Variants in SAR1B observed in about 807,000 individuals in gnomAD.
SAR1B encodes secretion associated Ras related GTPase 1B.
SAR1B carries 23 observed loss-of-function variants against 26.8 expected under a neutral mutation model. The observed-to-expected ratio is 0.86, with a 90% confidence interval of 0.62 to 1.22. The LOEUF (loss-of-function observed/expected upper bound fraction) is 1.22. Ranked by LOEUF, SAR1B falls within the 50% of genes most tolerant of loss-of-function variation. The probability of loss-of-function intolerance (pLI) is 0.00; values close to 1 mark genes in which losing one functional copy is unlikely to be tolerated. For missense variants in SAR1B, 196 were observed against 232.8 expected (o/e 0.84, Z 1.03); for synonymous variants, 65 against 80.8 (o/e 0.80, Z 1.05).
intron 5 of SAR1B, 136 bp from the exon 6 acceptor site, chr5:134,608,639 C>T (rs1051309277): frequency 3.0e-6 from 3 of 986,298 alleles, no homozygotes; most frequent in Admixed American, 4.3e-5. Flanking sequence ...AAACTTTCCC[C>T]ACATTTTAAA....
At chr5:134,609,242 C>G in intron 5 of SAR1B, 1 of 415,254 alleles carries the variant, frequency 2.4e-6, no homozygotes, top group Admixed American at 3.2e-5. Flanking sequence ...GATATAGCAT[C>G]TTAGCATGAC....
At chr5:134,618,805 C>T (rs1410981579) in intron 3 of SAR1B, among the ~76,000 whole-genome samples, 1 of 151,930 alleles carries the variant, frequency 6.6e-6, no homozygotes, top group African/African-American at 2.4e-5. Flanking sequence ...CGAGACCAGC[C>T]TGGCCAACAT....
intron 4 of SAR1B, among the ~76,000 whole-genome samples, chr5:134,611,041 C>G (rs1458590614): frequency 6.6e-6 from 1 of 152,050 alleles, no homozygotes; most frequent in Non-Finnish European, 1.5e-5. Context: ...TTGTTAAATT[C>G]TGTGTAGAGA....
In SAR1B at chr5:134,623,979, C is replaced by G. The variant is rs767171512; in HGVS notation, c.41G>C (p.Ser14Thr). The change falls in exon 2 of 7, where the codon AGT becomes ACT. Residue 14 changes from serine (S) to threonine (T), a missense_variant. Coordinates refer to ENST00000402673, the MANE Select transcript of SAR1B (RefSeq NM_016103.4). ...IFDWIYSGFS[S>T]VLQFLGLYKK... ...AACATTACCTAAAAACTGTAGCACA[C>G]TGCTGAAACCACTGTAAATCCAATC... The G allele has an allele frequency of 3.1e-6, 5 of 1,610,596 alleles. No individual in the cohort carries two copies. The highest frequency in any genetic ancestry group is 4.2e-6 in the Non-Finnish European group (5 of 1,176,892).
intron 3 of SAR1B, among the ~76,000 whole-genome samples, chr5:134,616,584 A>G (rs910068319): frequency 1.3e-5 from 2 of 152,202 alleles, no homozygotes; most frequent in South Asian, 2.1e-4. Flanking sequence ...ATAATCCCCA[A>G]TATACTTTCT....
Position 134,624,020 on chromosome 5 carries a change from A to G in SAR1B, c.-1T>C. 1 of 1,605,908 alleles carries G rather than the reference A, an allele frequency of 6.2e-7. No individual in the cohort carries two copies. The highest frequency in any genetic ancestry group is 8.5e-7 in the Non-Finnish European group (1 of 1,172,504). On this transcript the variant is annotated 5_prime_UTR_variant, in exon 2 of 7. Transcript: ENST00000402673. ...AAATCCAATCAAATATGAAGGACAT[A>G]TCCAAATCTGATAGGGTCTGAAAAA...
rs1024593120 is a variant in SAR1B at position 134,608,519 on chromosome 5, C to T, written c.349-16G>A. ...TCATTAGTGACTGAAAAAAACAAAA[C>T]AATACAAAACAAGAGTTGATATGAA... On this transcript the variant is annotated splice_polypyrimidine_tract_variant and intron_variant, in intron 5 of 6. Coordinates refer to ENST00000402673, the MANE Select transcript of SAR1B (RefSeq NM_016103.4). 1.2e-6 allele frequency: 2 copies of T among 1,606,984 alleles called. No individual in the cohort carries two copies. Among genetic ancestry groups the T allele is most frequent in the African/African-American group, 2.7e-5 (2 of 74,902 alleles).
chr5:134,612,753 G>A lies in SAR1B; in HGVS notation c.182C>T (p.Ser61Phe). 6.4e-7 allele frequency: 1 copy of A among 1,572,614 alleles called. No homozygotes were observed. Among genetic ancestry groups the A allele is most frequent in the Non-Finnish European group, 8.6e-7 (1 of 1,157,444 alleles). Residue 61 changes from serine (S) to phenylalanine (F), a missense_variant, in exon 4 of 7, where the codon TCC (serine) becomes TTC (phenylalanine). Transcript: ENST00000402673. ...CATGCCAGCAATGGTCAGTTCTTCGGAAGCTAAATAAGATTTTAAAATATT... is the reference window on the plus strand; with the variant it reads ...CATGCCAGCAATGGTCAGTTCTTCGAAAGCTAAATAAGATTTTAAAATATT... ...GQHVPTLHPT[S>F]EELTIAGMTF...
intron 1 of SAR1B, among the ~76,000 whole-genome samples, chr5:134,630,521 G>A (rs1021047129): frequency 3.4e-5 from 5 of 148,510 alleles, no homozygotes; most frequent in African/African-American, 5.0e-5. Flanking sequence ...AGTGGCTCAC[G>A]CCTGTAATCC....
intron 1 of SAR1B, among the ~76,000 whole-genome samples, chr5:134,629,897 A>AG (rs1396428569): frequency 2.0e-5 from 3 of 150,230 alleles, no homozygotes; most frequent in African/African-American, 7.3e-5. Context: ...AAAAAAAAAA[A>AG]AAGAAAAAAA....
chr5:134,612,120 TTTTTGTTTTG>T lies in SAR1B; in HGVS notation c.244+561_244+570del, dbSNP rs529577679. 2.0e-4 allele frequency among the ~76,000 whole-genome samples: 30 copies of T among 152,286 alleles called. 1 individual carries two copies. In the South Asian group the frequency reaches 5.0e-3, roughly 25 times the overall value. ...AGTAATGAGTTAGCCACTGAAGGTT[TTTTTGTTTTG>T]TTTTGTTTTGTTTTTGTTTTACAGA... On this transcript the variant is annotated intron_variant, in intron 4 of 6. Coordinates refer to ENST00000402673, the MANE Select transcript of SAR1B (RefSeq NM_016103.4).
intron 3 of SAR1B, among the ~76,000 whole-genome samples, chr5:134,619,590 C>T (rs1205887079): frequency 6.6e-6 from 1 of 151,912 alleles, no homozygotes; most frequent in Non-Finnish European, 1.5e-5. Flanking sequence ...TCTTAAACTC[C>T]TGGGCTCAAG....
At chr5:134,615,214 G>T (rs1456634531) in intron 3 of SAR1B, among the ~76,000 whole-genome samples, 1 of 151,888 alleles carries the variant, frequency 6.6e-6, no homozygotes, top group Non-Finnish European at 1.5e-5. Flanking sequence ...TGGGTGCAGC[G>T]GCAGGTGCCT....
intron 3 of SAR1B, among the ~76,000 whole-genome samples, chr5:134,620,333 T>C (rs1182266450): frequency 2.6e-5 from 4 of 151,274 alleles, no homozygotes; most frequent in Non-Finnish European, 5.9e-5. Flanking sequence ...AAAGAAAAAA[T>C]TCAGGTTATG....
chr5:134,630,889 C>CTTTTTTTTTTTTTTTTTTTTTTTTTTT lies in SAR1B; in HGVS notation c.-19+1812_-19+1838dup, dbSNP rs781218368. Reference sequence around the variant, plus strand: ...TTTCCTTTTCTATTTCTTTTTTTTTCTTTTTTTTTTTTTTTTTTTTTTTTT... The same window carrying CTTTTTTTTTTTTTTTTTTTTTTTTTTT: ...TTTCCTTTTCTATTTCTTTTTTTTTCTTTTTTTTTTTTTTTTTTTTTTTTTTTTTTTTTTTTTTTTTTTTTTTTTTTT... On this transcript the variant is annotated intron_variant, in intron 1 of 6. Transcript: ENST00000402673. Among the ~76,000 whole-genome samples, 76 of 69,146 alleles carry CTTTTTTTTTTTTTTTTTTTTTTTTTTT rather than the reference C, an allele frequency of 1.1e-3. 2 individuals are homozygous for CTTTTTTTTTTTTTTTTTTTTTTTTTTT. The highest frequency in any genetic ancestry group is 1.5e-3 in the Non-Finnish European group (52 of 35,238). The allele number at this position is 69,146 out of a possible 152,430, so 45.4% of individuals were successfully genotyped here.
At chr5:134,620,781 G>C (rs948327540) in intron 3 of SAR1B, 152 bp downstream of exon 3, 1 of 863,166 alleles carries the variant, frequency 1.2e-6, no homozygotes. Context: ...TTAAGCCCAG[G>C]AGACAGAGGT....
intron 2 of SAR1B, among the ~76,000 whole-genome samples, chr5:134,622,241 G>T (rs1765421729): frequency 1.3e-5 from 2 of 151,868 alleles, no homozygotes. Context: ...TAGTTTTGGG[G>T]GCAGAACTAT....
At position 134,605,825 on chromosome 5, in the gene SAR1B, A is replaced by G. The variant is rs1328340911; in HGVS notation, c.*1125T>C. 2 of 152,246 alleles carry G rather than the reference A, an allele frequency of 1.3e-5. No individual in the cohort carries two copies. Among genetic ancestry groups the G allele is most frequent in the Admixed American group, 6.5e-5 (1 of 15,278 alleles). The allele number at this position is 152,246 out of a possible 1,614,324, so 9.4% of individuals were successfully genotyped here. A position where few individuals can be genotyped will look rare whatever the true frequency, so the allele number is the denominator to read the frequency against. ...AATACAAAAGAGCTATAGGATAGGAACAAAATCTCCACATATCTCAGACTG... is the reference window on the plus strand; with the variant it reads ...AATACAAAAGAGCTATAGGATAGGAGCAAAATCTCCACATATCTCAGACTG... On this transcript the variant is annotated 3_prime_UTR_variant, in exon 7 of 7. Transcript: ENST00000402673.
At chr5:134,616,623 A>G (rs1765321369) in intron 3 of SAR1B, among the ~76,000 whole-genome samples, 1 of 152,182 alleles carries the variant, frequency 6.6e-6, no homozygotes, top group African/African-American at 2.4e-5. Context: ...GAATTAGGCT[A>G]TTTAAGATAC....
Sources: gnomAD v4.1 joint callset for allele counts (sites outside exome capture counted in the v4.1 genomes callset) on GRCh38, gnomAD v4.1.1 for gene constraint, MANE v1.5 for transcripts, NCBI Gene and HGNC (gene_info 2026-07-23, HGNC 2026-07-21) for gene names.